Variants in KCNMA1 observed in about 807,000 individuals in gnomAD.
The protein encoded by KCNMA1 is potassium calcium-activated channel subfamily M alpha 1, also known as Calcium-activated potassium channel subunit alpha-1.
KCNMA1 carries 29 observed loss-of-function variants against 140.0 expected under a neutral mutation model. That is an observed-to-expected ratio of 0.21 (90% CI 0.15 to 0.28). KCNMA1 has a LOEUF of 0.28. Ranked by LOEUF, KCNMA1 falls within the 10% of genes least tolerant of loss-of-function variation. KCNMA1 has a pLI of 1.00. For missense variants in KCNMA1, 880 were observed against 1,602.2 expected, an observed-to-expected ratio of 0.55 and a Z score of 7.70; for synonymous variants, 612 against 611.9, an observed-to-expected ratio of 1.00 and a Z score of 0.00.
At chr10:77,580,242 G>T (rs901197480) in intron 1 of KCNMA1, among the ~76,000 whole-genome samples, 2 of 151,908 alleles carry the variant, frequency 1.3e-5, no homozygotes, top group Non-Finnish European at 2.9e-5. Flanking sequence ...TTAGCCGGGC[G>T]TGGTGGCGGG....
intron 2 of KCNMA1, among the ~76,000 whole-genome samples, chr10:77,354,212 C>A (rs1055528574): frequency 1.3e-5 from 2 of 152,206 alleles, no homozygotes; most frequent in Non-Finnish European, 2.9e-5. Context: ...GCACGATGGT[C>A]TCGATCTCTT....
At chr10:77,208,941 T>C (rs2045093050) in intron 3 of KCNMA1, among the ~76,000 whole-genome samples, 1 of 152,194 alleles carries the variant, frequency 6.6e-6, no homozygotes, top group African/African-American at 2.4e-5. Flanking sequence ...TGGTGTTCTA[T>C]GGTTATGCAG....
chr10:77,382,133 A>G (rs2154429963), intron 2 of KCNMA1, among the ~76,000 whole-genome samples: 1 of 152,242 alleles, frequency 6.6e-6, no homozygotes, highest in African/African-American at 2.4e-5. Context: ...CCTCTGATGA[A>G]AAGCTTCCTT....
At chr10:77,489,618 C>T (rs767127988) in intron 1 of KCNMA1, among the ~76,000 whole-genome samples, 2 of 152,144 alleles carry the variant, frequency 1.3e-5, no homozygotes, top group South Asian at 2.1e-4. Context: ...GGATTACAGG[C>T]GTGAGCCACC....
At chr10:77,204,530 A>T (rs562433274) in intron 3 of KCNMA1, among the ~76,000 whole-genome samples, 1 of 152,350 alleles carries the variant, frequency 6.6e-6, no homozygotes, top group East Asian at 1.9e-4. Context: ...ATAACTGGGA[A>T]ACCAAGATTG....
chr10:77,025,568 A>C, intron 16 of KCNMA1: 1 of 860,418 alleles, frequency 1.2e-6, no homozygotes, highest in East Asian at 2.8e-5. Flanking sequence ...TGAAGGATGC[A>C]TGTGAAAACA....
intron 18 of KCNMA1, among the ~76,000 whole-genome samples, chr10:77,007,653 G>GTATATATATATATATATATATATATA (rs60937323): frequency 1.5e-4 from 13 of 88,450 alleles, no homozygotes; most frequent in East Asian, 4.9e-4. Flanking sequence ...TTGTGTGTGT[G>GTATATATATATATATATATATATATA]TATATATATA....
chr10:77,167,836 T>C (rs533439562), intron 5 of KCNMA1, among the ~76,000 whole-genome samples: 1 of 151,988 alleles, frequency 6.6e-6, no homozygotes, highest in East Asian at 1.9e-4. Context: ...ACATGCAGCA[T>C]CATGTCTGGC....
intron 6 of KCNMA1, among the ~76,000 whole-genome samples, chr10:77,117,539 CAAAAAAA>C (rs56926398): frequency 6.8e-3 from 154 of 22,516 alleles, no homozygotes; most frequent in South Asian, 0.013. Context: ...GAGTCTATCT[CAAAAAAA>C]AAAAAAAAAA....
intron 1 of KCNMA1, among the ~76,000 whole-genome samples, chr10:77,436,452 C>T (rs1176323643): frequency 6.6e-6 from 1 of 152,246 alleles, no homozygotes; most frequent in African/African-American, 2.4e-5. Flanking sequence ...GGCAGGAGTG[C>T]AAGCACTAAA....
At chr10:76,929,021 T>A (rs1450004057) in intron 23 of KCNMA1, among the ~76,000 whole-genome samples, 1 of 152,214 alleles carries the variant, frequency 6.6e-6, no homozygotes, top group African/African-American at 2.4e-5. Context: ...GACAATTGCT[T>A]CCTTGCATGG....
In KCNMA1 at chr10:77,418,338, G is replaced by A. The variant is rs544726556; in HGVS notation, c.379-14315C>T. ...GCCTGGGACCCCTCCAACCCTGGAC[G>A]TCGAGAGAGACTCGGCAGCTGTGAG... On this transcript the variant is annotated intron_variant, in intron 1 of 27. Coordinates refer to ENST00000286628, the MANE Select transcript of KCNMA1 (RefSeq NM_001161352.2). 9.0e-4 allele frequency among the ~76,000 whole-genome samples: 137 copies of A among 152,286 alleles called. 1 individual carries two copies. The highest frequency in any genetic ancestry group is 3.1e-4 in the Non-Finnish European group (21 of 68,020).
intron 23 of KCNMA1, among the ~76,000 whole-genome samples, chr10:76,920,053 C>T (rs10740461): frequency 0.71 from 66,104 of 93,296 alleles, 24,747 homozygotes; most frequent in East Asian, 0.85. Flanking sequence ...TATATATATA[C>T]ACACAATATT....
chr10:77,075,506 A>G (rs933730678), intron 13 of KCNMA1, among the ~76,000 whole-genome samples: 3 of 152,190 alleles, frequency 2.0e-5, no homozygotes, highest in African/African-American at 7.2e-5. Flanking sequence ...CCTTTCAGAG[A>G]AAGTCTCTCC....
chr10:77,551,615 A>C (rs1209728170), intron 1 of KCNMA1, among the ~76,000 whole-genome samples: 1 of 152,224 alleles, frequency 6.6e-6, no homozygotes, highest in Non-Finnish European at 1.5e-5. Context: ...CTGGAAAAAC[A>C]CACTGTTAAT....
At chr10:77,412,133 C>T (rs2096633778) in intron 1 of KCNMA1, among the ~76,000 whole-genome samples, 1 of 152,206 alleles carries the variant, frequency 6.6e-6, no homozygotes. Context: ...TGGGAAGCCC[C>T]TCTCATCCCT....
At chr10:77,358,317 T>G (rs189776976) in intron 2 of KCNMA1, among the ~76,000 whole-genome samples, 1 of 152,164 alleles carries the variant, frequency 6.6e-6, no homozygotes, top group African/African-American at 2.4e-5. Flanking sequence ...TGGTCTTTGA[T>G]AAGCCTACAT....
intron 14 of KCNMA1, among the ~76,000 whole-genome samples, chr10:77,055,994 G>C (rs926694777): frequency 6.6e-6 from 1 of 152,134 alleles, no homozygotes; most frequent in African/African-American, 2.4e-5. Context: ...GGCAATATTG[G>C]ACAGATCCAA....
chr10:77,463,634 A>C (rs2097920090), intron 1 of KCNMA1, among the ~76,000 whole-genome samples: 1 of 152,182 alleles, frequency 6.6e-6, no homozygotes, highest in African/African-American at 2.4e-5. Context: ...AGGCACTCAA[A>C]TCTCCATGGA....
Sources: gnomAD v4.1 joint callset for allele counts (sites outside exome capture counted in the v4.1 genomes callset) on GRCh38, gnomAD v4.1.1 for gene constraint, MANE v1.5 for transcripts, NCBI Gene and HGNC (gene_info 2026-07-23, HGNC 2026-07-21) for gene names.